RAB2A: variants seen among roughly 807,000 people sequenced by gnomAD.
The protein encoded by RAB2A is ras-related protein Rab-2A.
RAB2A carries 7 observed loss-of-function variants against 32.5 expected under a neutral mutation model. The observed-to-expected ratio is 0.22, with a 90% confidence interval of 0.12 to 0.40. The LOEUF is 0.40. Among genes scored for constraint, RAB2A ranks in the 10% least tolerant of loss-of-function variants. The pLI, the probability that RAB2A is intolerant of heterozygous loss-of-function variation, is 1.00. For synonymous variants in RAB2A, 79 were observed against 85.2 expected (o/e 0.93, Z 0.40); for missense variants, 108 against 260.7 (o/e 0.41, Z 4.03).
intron 6 of RAB2A, among the ~76,000 whole-genome samples, chr8:60,604,536 G>GTCA (rs1458142875): frequency 6.6e-6 from 1 of 152,156 alleles, no homozygotes; most frequent in Non-Finnish European, 1.5e-5. Flanking sequence ...TGATAATGAT[G>GTCA]TGGACAATGA....
chr8:60,606,383 A>G (rs1434488393), intron 6 of RAB2A, among the ~76,000 whole-genome samples: 1 of 152,204 alleles, frequency 6.6e-6, no homozygotes, highest in African/African-American at 2.4e-5. Flanking sequence ...TAAATATTTT[A>G]GTATCTGTCC....
chr8:60,537,762 C>G (rs775622916), intron 1 of RAB2A, among the ~76,000 whole-genome samples: 73 of 152,214 alleles, frequency 4.8e-4, no homozygotes, highest in Non-Finnish European at 8.5e-4. Context: ...CTCACTGCAG[C>G]CTTGACCTCC....
At chr8:60,546,891 C>CTTTTTTTT (rs6150606) in intron 1 of RAB2A, among the ~76,000 whole-genome samples, 17 of 98,946 alleles carry the variant, frequency 1.7e-4, no homozygotes, top group South Asian at 3.4e-4. Flanking sequence ...TTTTTTGGGT[C>CTTTTTTTT]TTTTTTTTTT....
intron 6 of RAB2A, among the ~76,000 whole-genome samples, chr8:60,598,572 GC>G (rs902333496): frequency 6.6e-6 from 1 of 151,912 alleles, no homozygotes; most frequent in African/African-American, 2.4e-5. Flanking sequence ...ATACATCATG[GC>G]CACATGGGGT....
chr8:60,618,550 A>G, intron 6 of RAB2A, 30 bp from the exon 7 acceptor site: 3 of 1,114,770 alleles, frequency 2.7e-6, no homozygotes, highest in Non-Finnish European at 3.6e-6. Context: ...TTGGTTTTAT[A>G]TAATATGAAC....
intron 1 of RAB2A, among the ~76,000 whole-genome samples, chr8:60,549,455 C>G (rs1340787619): frequency 3.3e-5 from 5 of 150,552 alleles, no homozygotes; most frequent in Admixed American, 2.0e-4. Context: ...CCGGCCAACA[C>G]AGCGAAACCC....
chr8:60,606,609 G>C (rs543299881), intron 6 of RAB2A, among the ~76,000 whole-genome samples: 1 of 152,146 alleles, frequency 6.6e-6, no homozygotes, highest in Non-Finnish European at 1.5e-5. Flanking sequence ...TCTCAAGACA[G>C]GATCATAGAG....
chr8:60,516,996 C>A lies in RAB2A; in HGVS notation c.-212C>A. On this transcript the variant is annotated 5_prime_UTR_variant, in exon 1 of 8. The change creates a new upstream start codon in the 5' untranslated region. Coordinates refer to ENST00000262646, the MANE Select transcript of RAB2A (RefSeq NM_002865.3). The stretch of plus-strand genomic sequence containing the variant: ...CGCCGCGGCGGCTGTTATTGTTCGG[C>A]TGGGCTCGGTCGGGCGCTGTCTCCC... 7 of 463,102 alleles carry A rather than the reference C, an allele frequency of 1.5e-5. No homozygotes were observed. The allele number at this position is 463,102 out of a possible 1,614,324, so 28.7% of individuals were successfully genotyped here. A position where few individuals can be genotyped will look rare whatever the true frequency, so the allele number is the denominator to read the frequency against.
chr8:60,546,310 A>T (rs975673862), intron 1 of RAB2A, among the ~76,000 whole-genome samples: 1 of 152,204 alleles, frequency 6.6e-6, no homozygotes, highest in African/African-American at 2.4e-5. Flanking sequence ...GATATTTCCT[A>T]CTTGCGATAG....
chr8:60,537,033 A>G (rs1175528767), intron 1 of RAB2A, among the ~76,000 whole-genome samples: 1 of 152,202 alleles, frequency 6.6e-6, no homozygotes, highest in Non-Finnish European at 1.5e-5. Flanking sequence ...ATTACTAGCA[A>G]AAATGTAGAT....
chr8:60,581,231 T>C (rs1803745240), intron 3 of RAB2A, among the ~76,000 whole-genome samples: 3 of 152,224 alleles, frequency 2.0e-5, no homozygotes, highest in Admixed American at 2.0e-4. Context: ...TTTTGGATTT[T>C]AGTTTTCAGA....
At chr8:60,517,360 C>G in intron 1 of RAB2A, 107 bp downstream of exon 1, 1 of 1,055,704 alleles carries the variant, frequency 9.5e-7, no homozygotes, top group Non-Finnish European at 1.3e-6. Flanking sequence ...CCCGGCGCCT[C>G]CCTCCTGGCC....
intron 3 of RAB2A, 106 bp downstream of exon 3, chr8:60,572,219 C>A: frequency 1.2e-6 from 1 of 813,974 alleles, no homozygotes. Flanking sequence ...GTTTGTTAGA[C>A]ACTGACTTCC....
At chr8:60,583,381 TC>T (rs1803794473) in intron 3 of RAB2A, among the ~76,000 whole-genome samples, 1 of 150,494 alleles carries the variant, frequency 6.6e-6, no homozygotes, top group African/African-American at 2.5e-5. Flanking sequence ...ACAGTCACAT[TC>T]CTCCCCAGCA....
At chr8:60,551,742 C>T (rs554640718) in intron 1 of RAB2A, among the ~76,000 whole-genome samples, 58 of 152,056 alleles carry the variant, frequency 3.8e-4, no homozygotes, top group African/African-American at 1.3e-3. Flanking sequence ...CACTCAGGCT[C>T]GAATACAATG....
chr8:60,578,416 G>T (rs1000305818), intron 3 of RAB2A, among the ~76,000 whole-genome samples: 1 of 152,190 alleles, frequency 6.6e-6, no homozygotes, highest in Non-Finnish European at 1.5e-5. Flanking sequence ...AAGAATTAGG[G>T]GCTTGAGCTG....
At chr8:60,588,431 C>T (rs760649949) in intron 5 of RAB2A, among the ~76,000 whole-genome samples, 7 of 152,082 alleles carry the variant, frequency 4.6e-5, no homozygotes, top group Admixed American at 3.3e-4. Context: ...CTGGAAACAA[C>T]CCAAATATCA....
intron 1 of RAB2A, among the ~76,000 whole-genome samples, chr8:60,534,839 C>G (rs1371448900): frequency 6.6e-6 from 1 of 152,164 alleles, no homozygotes; most frequent in Non-Finnish European, 1.5e-5. Flanking sequence ...ATTCCCTTCC[C>G]CATTCTCTAA....
intron 1 of RAB2A, among the ~76,000 whole-genome samples, chr8:60,539,248 T>C (rs1807601990): frequency 6.6e-6 from 1 of 152,192 alleles, no homozygotes. Flanking sequence ...AAAAGTACCA[T>C]GTGATAAGTG....
Sources: allele counts gnomAD v4.1 joint callset (sites outside exome capture counted in the v4.1 genomes callset), GRCh38; gene constraint gnomAD v4.1.1; transcripts MANE v1.5; gene names NCBI Gene and HGNC (gene_info 2026-07-23, HGNC 2026-07-21).